WWP2: variants seen among roughly 807,000 people sequenced by gnomAD.
The protein encoded by WWP2 is WW domain containing E3 ubiquitin protein ligase 2, also known as NEDD4-like E3 ubiquitin-protein ligase WWP2.
Under a neutral mutation model 121.0 loss-of-function variants are expected in WWP2, and 57 were observed. The observed-to-expected ratio is 0.47, with a 90% confidence interval of 0.38 to 0.59. WWP2 has a LOEUF of 0.59. Among genes scored for constraint, WWP2 ranks in the 20% least tolerant of loss-of-function variants. The pLI, the probability that WWP2 is intolerant of heterozygous loss-of-function variation, is 0.00. For synonymous variants in WWP2, 449 were observed against 441.3 expected, an observed-to-expected ratio of 1.02 and a Z score of -0.22; for missense variants, 962 against 1,158.9, an observed-to-expected ratio of 0.83 and a Z score of 2.47.
chr16:69,775,072 T>C (rs2055496150), intron 1 of WWP2: 1 of 152,096 alleles, frequency 6.6e-6, no homozygotes, highest in African/African-American at 2.4e-5. Flanking sequence ...TGTGTATTTA[T>C]GTTTAGGTTT....
intron 2 of WWP2, among the ~76,000 whole-genome samples, chr16:69,794,874 A>G (rs1194222371): frequency 1.3e-5 from 2 of 152,270 alleles, no homozygotes; most frequent in African/African-American, 4.8e-5. Flanking sequence ...GCCACAGGCA[A>G]TTTGTATATA....
chr16:69,912,707 A>G (rs2058398764), intron 9 of WWP2, among the ~76,000 whole-genome samples: 1 of 151,282 alleles, frequency 6.6e-6, no homozygotes, highest in South Asian at 2.1e-4. Flanking sequence ...CCCTCATCTG[A>G]GGATACAGAA....
intron 4 of WWP2, among the ~76,000 whole-genome samples, chr16:69,826,853 G>A (rs764326532): frequency 1.0e-3 from 158 of 151,106 alleles, no homozygotes; most frequent in Non-Finnish European, 1.7e-3. Flanking sequence ...GCAGGAGAAT[G>A]GTGTGAACCC....
intron 12 of WWP2, among the ~76,000 whole-genome samples, chr16:69,929,753 C>T (rs561811001): frequency 1.3e-5 from 2 of 152,216 alleles, no homozygotes; most frequent in South Asian, 2.1e-4. Flanking sequence ...GAGGGCGGCC[C>T]GGCTGGCGGG....
chr16:69,877,548 G>C (rs1448182861), intron 7 of WWP2, among the ~76,000 whole-genome samples: 1 of 152,056 alleles, frequency 6.6e-6, no homozygotes, highest in African/African-American at 2.4e-5. Flanking sequence ...TTTCCTTCAA[G>C]AACTTCTCCT....
intron 7 of WWP2, among the ~76,000 whole-genome samples, chr16:69,879,381 C>A (rs369140666): frequency 6.6e-6 from 1 of 152,008 alleles, no homozygotes; most frequent in Non-Finnish European, 1.5e-5. Flanking sequence ...ACATTTCCCC[C>A]CAACCTGACC....
chr16:69,891,184 A>G (rs552084647), intron 8 of WWP2, among the ~76,000 whole-genome samples: 7 of 152,080 alleles, frequency 4.6e-5, no homozygotes, highest in Admixed American at 3.3e-4. Context: ...AGAGAGTACT[A>G]TTTCTGCCAG....
intron 6 of WWP2, among the ~76,000 whole-genome samples, chr16:69,855,140 C>T (rs1054713411): frequency 6.6e-6 from 1 of 152,226 alleles, no homozygotes; most frequent in Non-Finnish European, 1.5e-5. Flanking sequence ...AGCCGCTGAG[C>T]CCCAGCCGGC....
chr16:69,866,323 G>C (rs1566456), intron 6 of WWP2, among the ~76,000 whole-genome samples: 79,324 of 149,596 alleles, frequency 0.53, 21,506 homozygotes, highest in East Asian at 0.9. Context: ...TATTTATGGA[G>C]ACGGAGTCTT....
At chr16:69,877,911 G>A (rs190485647) in intron 7 of WWP2, among the ~76,000 whole-genome samples, 22 of 152,206 alleles carry the variant, frequency 1.4e-4, no homozygotes, top group African/African-American at 3.4e-4. Flanking sequence ...AGGTTCAAGC[G>A]ATTCTCCTGC....
At chr16:69,883,779 G>C (rs56180453) in intron 7 of WWP2, among the ~76,000 whole-genome samples, 1 of 151,994 alleles carries the variant, frequency 6.6e-6, no homozygotes, top group Admixed American at 6.6e-5. Flanking sequence ...GGTGAACCAG[G>C]TTGACTCAGA....
intron 8 of WWP2, among the ~76,000 whole-genome samples, chr16:69,898,455 A>C (rs994013416): frequency 2.0e-5 from 3 of 152,364 alleles, no homozygotes; most frequent in Admixed American, 6.5e-5. Flanking sequence ...GTGAGCATGC[A>C]TAAGCATTCC....
At chr16:69,862,762 C>CAGGATAGA (rs1030060391) in intron 6 of WWP2, among the ~76,000 whole-genome samples, 57 of 142,784 alleles carry the variant, frequency 4.0e-4, no homozygotes, top group South Asian at 1.8e-3. Context: ...CTCTATTGCC[C>CAGGATAGA]AGGATAGAGT....
chr16:69,831,254 A>G (rs553085033), intron 4 of WWP2, among the ~76,000 whole-genome samples: 1 of 152,354 alleles, frequency 6.6e-6, no homozygotes, highest in Admixed American at 6.5e-5. Flanking sequence ...TTAGGAACCA[A>G]AAGAAAACAG....
chr16:69,785,128 G>A (rs4985531), intron 1 of WWP2, among the ~76,000 whole-genome samples: 130,865 of 151,546 alleles, frequency 0.86, 56,745 homozygotes, highest in Admixed American at 0.92. Flanking sequence ...AGCTACCCAT[G>A]AGGCTGAGGC....
chr16:69,899,090 C>G (rs977618399), intron 8 of WWP2, among the ~76,000 whole-genome samples: 5 of 152,232 alleles, frequency 3.3e-5, no homozygotes, highest in African/African-American at 9.6e-5. Context: ...TGTGGCTTGT[C>G]TTTTCAATTT....
intron 1 of WWP2, among the ~76,000 whole-genome samples, chr16:69,762,957 C>T (rs2038648369): frequency 6.6e-6 from 1 of 152,154 alleles, no homozygotes; most frequent in Non-Finnish European, 1.5e-5. Context: ...CTCGCGCCCA[C>T]TTAGTCCTGC....
At chr16:69,765,276 C>G (rs979928519) in intron 1 of WWP2, among the ~76,000 whole-genome samples, 4 of 151,674 alleles carry the variant, frequency 2.6e-5, no homozygotes, top group African/African-American at 9.7e-5. Flanking sequence ...TGACTTGAAA[C>G]CCAGCACTTT....
At chr16:69,787,137 C>G (rs2055810779) in intron 2 of WWP2, 57 bp downstream of exon 2, 1 of 1,503,204 alleles carries the variant, frequency 6.7e-7, no homozygotes, top group African/African-American at 1.4e-5. Flanking sequence ...GAGGGAGAAT[C>G]TAACCACACC....
Sources: allele counts gnomAD v4.1 joint callset (sites outside exome capture counted in the v4.1 genomes callset), GRCh38; gene constraint gnomAD v4.1.1; transcripts MANE v1.5; gene names NCBI Gene and HGNC (gene_info 2026-07-23, HGNC 2026-07-21).